The following PITRM1 variants were observed in gnomAD, a reference collection of about 807,000 sequenced individuals.
PITRM1 encodes pitrilysin metallopeptidase 1.
Under a neutral mutation model 129.9 loss-of-function variants are expected in PITRM1, and 100 were observed. The observed-to-expected ratio is 0.77, with a 90% CI of 0.65 to 0.91. PITRM1 has a LOEUF of 0.91. Ranked by LOEUF, PITRM1 falls within the 40% of genes least tolerant of loss-of-function variation. PITRM1 has a pLI of 0.00. For synonymous variants in PITRM1, 591 were observed against 508.8 expected, an observed-to-expected ratio of 1.16 and a Z score of -2.17; for missense variants, 1,471 against 1,318.3, an observed-to-expected ratio of 1.12 and a Z score of -1.79.
chr10:3,145,435 A>G (rs1840752090), intron 21 of PITRM1, 161 bp downstream of exon 21: 1 of 645,570 alleles, frequency 1.5e-6, no homozygotes, highest in Admixed American at 2.9e-5. Context: ...ACTGCACAAG[A>G]TACTTAATCC....
intron 7 of PITRM1, chr10:3,163,045 T>C (rs1721334372): frequency 6.6e-6 from 1 of 152,282 alleles, no homozygotes; most frequent in Admixed American, 6.5e-5. Context: ...TCATGACGTC[T>C]ATAATTTACT....
intron 14 of PITRM1, among the ~76,000 whole-genome samples, chr10:3,154,364 G>A (rs1841789884): frequency 6.6e-6 from 1 of 152,196 alleles, no homozygotes; most frequent in Non-Finnish European, 1.5e-5. Context: ...GGCTGGCACT[G>A]TGAGAACTGT....
At chr10:3,172,436 T>A (rs1021658166) in intron 1 of PITRM1, among the ~76,000 whole-genome samples, 1 of 152,118 alleles carries the variant, frequency 6.6e-6, no homozygotes, top group Non-Finnish European at 1.5e-5. Context: ...CTACCCCCGT[T>A]AAAGCCCACG....
intron 24 of PITRM1, 150 bp downstream of exon 24, chr10:3,140,537 G>C (rs557328213): frequency 4.5e-6 from 3 of 670,090 alleles, no homozygotes; most frequent in Non-Finnish European, 5.0e-6. Flanking sequence ...ACATTGCTGG[G>C]TGTGGCTAAG....
At chr10:3,152,164 A>T (rs918310539) in intron 14 of PITRM1, among the ~76,000 whole-genome samples, 3 of 152,190 alleles carry the variant, frequency 2.0e-5, no homozygotes, top group African/African-American at 4.8e-5. Flanking sequence ...CTGACAGTGC[A>T]TGCATCAATG....
Position 3,138,309 on chromosome 10 carries a change from CGA to C in PITRM1, c.2944_2945del (p.Ser982GlyfsTer2). 1.9e-6 allele frequency: 3 copies of C among 1,613,676 alleles called. No individual in the cohort carries two copies. The highest frequency in any genetic ancestry group is 2.2e-5 in the South Asian group (2 of 91,074). On this transcript the variant is annotated frameshift_variant, in exon 26 of 27. Transcript: ENST00000224949. LOFTEE classifies it high-confidence loss of function. Reference sequence around the variant, plus strand: ...CTCTGTGGGCCTGCTTCATCTCATCCGAGAGGCCGTACAAGAAGTGGTCCATT... The same window carrying C: ...CTCTGTGGGCCTGCTTCATCTCATCCGAGGCCGTACAAGAAGTGGTCCATT... ...KGMDHFLYGL[S>X]DEMKQAHREQ...
intron 7 of PITRM1, 63 bp downstream of exon 7, chr10:3,163,662 T>G: frequency 1.4e-6 from 2 of 1,381,512 alleles, no homozygotes; most frequent in East Asian, 2.4e-5. Context: ...CCATAAACTG[T>G]TAAGAACACA....
At position 3,165,537 on chromosome 10, in the gene PITRM1, A is replaced by G. The variant is rs1353794536; in HGVS notation, c.419-10T>C. The G allele has an allele frequency of 7.0e-7, 1 of 1,426,504 alleles. No homozygotes were observed. The highest frequency in any genetic ancestry group is 1.7e-5 in the Admixed American group (1 of 57,668). The allele number at this position is 1,426,504 out of a possible 1,614,324, so 88.4% of individuals were successfully genotyped here. A position where few individuals can be genotyped will look rare whatever the true frequency, so the allele number is the denominator to read the frequency against. ...AGAGTATAATCACTAGCTGGGTACA[A>G]ATGAAAAGTGAAATTGTAAAATATA... is the stretch of plus-strand genomic sequence containing the variant. On this transcript the variant is annotated splice_polypyrimidine_tract_variant and intron_variant, in intron 4 of 26. Coordinates refer to ENST00000224949, the MANE Select transcript of PITRM1 (RefSeq NM_014889.4).
intron 23 of PITRM1, chr10:3,141,633 CG>C: frequency 4.3e-6 from 2 of 469,204 alleles, no homozygotes; most frequent in Non-Finnish European, 8.8e-6. Context: ...CGACAGAAGG[CG>C]GGGCAGACAA....
chr10:3,154,580 G>A (rs936320452), intron 14 of PITRM1, among the ~76,000 whole-genome samples: 1 of 152,206 alleles, frequency 6.6e-6, no homozygotes, highest in African/African-American at 2.4e-5. Context: ...AAAGTAATGA[G>A]ATTATTTCCC....
chr10:3,141,890 G>A (rs1417122300), intron 23 of PITRM1: 5 of 225,450 alleles, frequency 2.2e-5, no homozygotes, highest in South Asian at 1.9e-4. Flanking sequence ...GGCGCCGTCA[G>A]CCGGGACTAG....
chr10:3,155,871 T>G (rs1841935441), intron 13 of PITRM1, 142 bp from the exon 14 acceptor site: 1 of 926,536 alleles, frequency 1.1e-6, no homozygotes, highest in Non-Finnish European at 1.6e-6. Context: ...AGAACGCACC[T>G]CAAGAGTTGT....
At chr10:3,139,481 C>G (rs2131802755) in intron 24 of PITRM1, among the ~76,000 whole-genome samples, 1 of 152,272 alleles carries the variant, frequency 6.6e-6, no homozygotes, top group East Asian at 1.9e-4. Flanking sequence ...GGGGCCAATC[C>G]AGACTTCCCT....
At chr10:3,141,593 T>G in intron 23 of PITRM1, 1 of 448,774 alleles carries the variant, frequency 2.2e-6, no homozygotes, top group Non-Finnish European at 4.6e-6. Flanking sequence ...TAACATCACA[T>G]TCAAGCTGAT....
intron 10 of PITRM1, among the ~76,000 whole-genome samples, chr10:3,158,702 C>A (rs1250070851): frequency 2.0e-5 from 3 of 152,370 alleles, no homozygotes; most frequent in African/African-American, 4.8e-5. Flanking sequence ...GATCCAGGAT[C>A]TCATCCAGAG....
At chr10:3,172,796 G>C (rs918432247), upstream of PITRM1, 3 of 1,474,520 alleles carry the variant, frequency 2.0e-6, no homozygotes, top group Non-Finnish European at 2.7e-6. Context: ...CACCTGGCTG[G>C]CGAGGAACCC....
chr10:3,158,667 G>T (rs2132461515), intron 10 of PITRM1, among the ~76,000 whole-genome samples: 1 of 152,286 alleles, frequency 6.6e-6, no homozygotes, highest in East Asian at 1.9e-4. Flanking sequence ...ATGTCCCCTT[G>T]GGGGGACACA....
intron 6 of PITRM1, among the ~76,000 whole-genome samples, chr10:3,164,987 T>C (rs137986438): frequency 6.6e-6 from 1 of 152,254 alleles, no homozygotes; most frequent in African/African-American, 2.4e-5. Flanking sequence ...GGTATGAAAA[T>C]AGCTTTTATC....
chr10:3,154,612 T>C (rs1397134264), intron 14 of PITRM1, among the ~76,000 whole-genome samples: 8 of 152,250 alleles, frequency 5.3e-5, no homozygotes, highest in Non-Finnish European at 2.9e-5. Context: ...TATGTGCCTA[T>C]TTGCCATTAG....
Sources: allele counts gnomAD v4.1 joint callset (sites outside exome capture counted in the v4.1 genomes callset), GRCh38; gene constraint gnomAD v4.1.1; transcripts MANE v1.5; gene names NCBI Gene and HGNC (gene_info 2026-07-23, HGNC 2026-07-21).